Variants in CGN observed in about 807,000 individuals in gnomAD.
CGN encodes cingulin.
CGN carries 121 observed loss-of-function variants against 157.1 expected under a neutral mutation model. The observed-to-expected ratio is 0.77, with a 90% confidence interval of 0.66 to 0.90. The LOEUF is 0.90. Among genes scored for constraint, CGN ranks in the 40% least tolerant of loss-of-function variants. CGN has a pLI of 0.00. For missense variants in CGN, 1,424 were observed against 1,520.9 expected (o/e 0.94, Z 1.06); for synonymous variants, 535 against 607.5 (o/e 0.88, Z 1.76).
At chr1:151,520,539 C>T (rs1664520450) in intron 4 of CGN, 56 bp downstream of exon 4, 1 of 1,611,260 alleles carries the variant, frequency 6.2e-7, no homozygotes, top group Non-Finnish European at 8.5e-7. Context: ...TTGAGGGCCT[C>T]AGGGGATCCA....
At chr1:151,512,835 C>T (rs1017968729) in intron 1 of CGN, among the ~76,000 whole-genome samples, 2 of 152,236 alleles carry the variant, frequency 1.3e-5, no homozygotes, top group African/African-American at 4.8e-5. Context: ...TTGCCCGACT[C>T]TAAGAGGATT....
At chr1:151,517,525 T>C (rs1313218500) in intron 1 of CGN, among the ~76,000 whole-genome samples, 2 of 151,726 alleles carry the variant, frequency 1.3e-5, no homozygotes, top group Non-Finnish European at 2.9e-5. Context: ...TTTTTTTTTT[T>C]TGGAGATAGA....
At chr1:151,510,310 C>A (rs1012871722), upstream of CGN, among the ~76,000 whole-genome samples, 7 of 152,160 alleles carry the variant, frequency 4.6e-5, no homozygotes, top group African/African-American at 1.7e-4. Flanking sequence ...TCTTCTACTC[C>A]AATAGATACA....
intron 13 of CGN, 120 bp downstream of exon 13, chr1:151,530,866 T>G (rs1553246755): frequency 3.7e-6 from 4 of 1,071,602 alleles, no homozygotes; most frequent in Non-Finnish European, 5.4e-6. Flanking sequence ...TATGGCCAGG[T>G]GCGGTGACTC....
At chr1:151,534,828 C>T in intron 15 of CGN, 1 of 524,420 alleles carries the variant, frequency 1.9e-6, no homozygotes, top group Non-Finnish European at 3.4e-6. Flanking sequence ...AGGGCCGTCA[C>T]CAGAGCATGG....
chr1:151,526,568 G>T (rs1664686833), intron 9 of CGN, among the ~76,000 whole-genome samples: 1 of 151,772 alleles, frequency 6.6e-6, no homozygotes, highest in South Asian at 2.1e-4. Flanking sequence ...CCACCTCCTG[G>T]GCTCAAGCCA....
chr1:151,525,516 G>A, intron 8 of CGN, 126 bp from the exon 9 acceptor site: 3 of 588,654 alleles, frequency 5.1e-6, no homozygotes, highest in Non-Finnish European at 5.5e-6. Context: ...TACCACAAGA[G>A]TGTCAGGGGG....
chr1:151,511,464 GA>G lies in CGN; in HGVS notation c.-65del, dbSNP rs1664288019. On this transcript the variant is annotated 5_prime_UTR_variant, in exon 1 of 21. Coordinates refer to ENST00000271636, the MANE Select transcript of CGN (RefSeq NM_020770.3). This position sits in a 1 kb window ranked among gnomAD's most constrained non-coding sequence, Gnocchi z 4.8. ...CGAGCCCGAGCCCGAGCCCGAGCCC[GA>G]GCCCGAGCCCGAGCCCGAACGCAAG... 5.4e-6 allele frequency: 1 copy of G among 185,854 alleles called. No homozygotes were observed. The allele number at this position is 185,854 out of a possible 1,614,324, so 11.5% of individuals were successfully genotyped here.
chr1:151,531,077 G>T (rs1233679857), intron 13 of CGN, among the ~76,000 whole-genome samples: 1 of 152,002 alleles, frequency 6.6e-6, no homozygotes, highest in African/African-American at 2.4e-5. Flanking sequence ...GAAGGTGGAG[G>T]TTGCAGTGAG....
chr1:151,512,437 GC>G (rs1450312268), intron 1 of CGN, among the ~76,000 whole-genome samples: 3 of 152,120 alleles, frequency 2.0e-5, no homozygotes, highest in African/African-American at 7.2e-5. Flanking sequence ...CTCCCTGAAC[GC>G]CCTCCAGGCA....
At chr1:151,527,227 C>A in intron 10 of CGN, 120 bp downstream of exon 10, 1 of 1,027,306 alleles carries the variant, frequency 9.7e-7, no homozygotes, top group Non-Finnish European at 1.5e-6. Flanking sequence ...CAGGCCTCAT[C>A]CTGCCTGCTC....
rs1208230079 is a variant in CGN, at chr1:151,529,966, G to A, written c.2164G>A (p.Glu722Lys). 6.2e-7 allele frequency: 1 copy of A among 1,614,154 alleles called. No individual in the cohort carries two copies. The highest frequency in any genetic ancestry group is 1.7e-5 in the Admixed American group (1 of 60,032). Residue 722 changes from glutamate (E) to lysine (K), a missense_variant, in exon 12 of 21, where the codon GAG becomes AAG. By Grantham distance (56) the Glu-to-Lys change is moderately conservative. Transcript: ENST00000271636. The stretch of plus-strand genomic sequence containing the variant: ...GCTGGGGCAGCGGCGGGCCGCAGTG[G>A]AGACGACGCTTCGGGAGACCCAGGA... ...TVLGQRRAAV[E>K]TTLRETQEEN...
In CGN at chr1:151,519,096, G is replaced by A; in HGVS notation, c.577G>A (p.Ala193Thr). The change falls in exon 2 of 21, where the codon GCC (alanine) becomes ACC (threonine). Residue 193 changes from alanine (A) to threonine (T), a missense_variant. By Grantham distance (58) the Ala-to-Thr change is moderately conservative. Around this residue, in one of 3 missense-constraint regions of CGN, gnomAD observed 1,187 missense variants for 1,217.6 expected, o/e 0.97. Coordinates refer to ENST00000271636, the MANE Select transcript of CGN (RefSeq NM_020770.3). The part of the protein sequence containing the change: ...NKFDSQLGGQ[A>T]RGRTGRRTRM... ...GTTTGACAGTCAACTTGGAGGCCAG[G>A]CCCGGGGTCGGACTGGCCGCCGAAC... is the stretch of plus-strand genomic sequence containing the variant. 6.2e-7 allele frequency: 1 copy of A among 1,614,106 alleles called. No homozygotes were observed. The highest frequency in any genetic ancestry group is 8.5e-7 in the Non-Finnish European group (1 of 1,180,042).
At position 151,533,919 on chromosome 1, in the gene CGN, C is replaced by T. The variant is rs112695680; in HGVS notation, c.2743-56C>T. On this transcript the variant is annotated intron_variant, in intron 14 of 20. Transcript: ENST00000271636. The stretch of plus-strand genomic sequence containing the variant: ...CCCACTGGGCTGGACTGCTCCTGCC[C>T]CTCAACCCTCACCTTCTCACTACAC... The T allele has an allele frequency of 7.2e-6, 11 of 1,520,286 alleles. No homozygotes were observed. The African/African-American group carries it at 8.5e-5, about 12-fold the overall frequency. 94.2% of individuals were successfully genotyped at this position (1,520,286 alleles called of 1,614,324 possible). A position where few individuals can be genotyped will look rare whatever the true frequency, so the allele number is the denominator to read the frequency against.
At chr1:151,520,865 G>A (rs997886331) in intron 5 of CGN, among the ~76,000 whole-genome samples, 174 bp downstream of exon 5, 11 of 152,184 alleles carry the variant, frequency 7.2e-5, no homozygotes, top group Admixed American at 3.3e-4. Flanking sequence ...TTCTGTGGGG[G>A]TTAGGGAGGC....
intron 8 of CGN, 75 bp from the exon 9 acceptor site, chr1:151,525,567 G>T (rs1571662448): frequency 1.5e-6 from 2 of 1,312,678 alleles, no homozygotes; most frequent in Non-Finnish European, 1.0e-6. Flanking sequence ...GCCTTTCCTT[G>T]TACACACTCA....
Position 151,519,250 on chromosome 1 carries a change from A to G in CGN, c.731A>G (p.His244Arg). The change falls in exon 2 of 21, where the codon CAT (histidine) becomes CGT (arginine). Residue 244 changes from histidine (H) to arginine (R), a missense_variant. Transcript: ENST00000271636. ...ACCTCTAGCACAAAATATGACAACC[A>G]TGTGGGCACTTCGAAGCAGCCAGCC... ...HWTSSTKYDN[H>R]VGTSKQPAQS... The G allele has an allele frequency of 6.2e-7, 1 of 1,614,080 alleles. No individual in the cohort carries two copies. The highest frequency in any genetic ancestry group is 8.5e-7 in the Non-Finnish European group (1 of 1,180,026).
intron 10 of CGN, chr1:151,527,858 C>T: frequency 7.7e-6 from 2 of 259,468 alleles, no homozygotes; most frequent in Admixed American, 5.3e-5. Context: ...GTGGCAGCTG[C>T]AGGGATTGTG....
In CGN at chr1:151,537,700, T is replaced by G. The variant is rs2102506221; in HGVS notation, c.*354T>G. ...TGTATAAAGCTTTATTCTTTAGCCC[T>G]TAACCCTAAGGCTCAGGGAAATACC... is the stretch of plus-strand genomic sequence containing the variant. On this transcript the variant is annotated 3_prime_UTR_variant, in exon 21 of 21. Transcript: ENST00000271636. 1 of 180,866 alleles carries G rather than the reference T, an allele frequency of 5.5e-6. No homozygotes were observed. Among genetic ancestry groups the G allele is most frequent in the East Asian group, 1.5e-4 (1 of 6,892 alleles). The allele number at this position is 180,866 out of a possible 1,614,324, so 11.2% of individuals were successfully genotyped here.
Sources: gnomAD v4.1 joint callset for allele counts (sites outside exome capture counted in the v4.1 genomes callset) on GRCh38, gnomAD v4.1.1 for gene constraint, gnomAD v4.1.1 regional missense constraint, Gnocchi (gnomAD v3.1) non-coding constraint, MANE v1.5 for transcripts, NCBI Gene and HGNC (gene_info 2026-07-23, HGNC 2026-07-21) for gene names.